The following FLI1 variants were observed in gnomAD, a reference collection of about 807,000 sequenced individuals.
FLI1 encodes Fli-1 proto-oncogene, ETS transcription factor, also known as Friend leukemia integration 1 transcription factor.
FLI1 carries 13 observed loss-of-function variants against 53.1 expected under a neutral mutation model. The ratio of observed to expected loss-of-function variants is 0.24; its 90% CI spans 0.16 to 0.39. The LOEUF (loss-of-function observed/expected upper bound fraction) is 0.39, where lower values mean the gene tolerates loss of function less well. Among genes scored for constraint, FLI1 ranks in the 10% least tolerant of loss-of-function variants. The pLI, the probability that FLI1 is intolerant of heterozygous loss-of-function variation, is 1.00. For synonymous variants in FLI1, 244 were observed against 236.7 expected (o/e 1.03, Z -0.28); for missense variants, 424 against 600.5 (o/e 0.71, Z 3.07).
upstream of FLI1, among the ~76,000 whole-genome samples, chr11:128,690,496 A>G (rs949191964): frequency 3.9e-5 from 6 of 152,166 alleles, no homozygotes; most frequent in Non-Finnish European, 8.8e-5. Context: ...CCGTGTCTGG[A>G]AAGTCTTGAC....
chr11:128,714,270 G>A (rs972182157), intron 1 of FLI1, among the ~76,000 whole-genome samples: 3 of 151,652 alleles, frequency 2.0e-5, no homozygotes, highest in Non-Finnish European at 4.4e-5. Context: ...TGCGCTGGCT[G>A]GCGCCGACAT....
chr11:128,777,427 G>A (rs1365514388), intron 4 of FLI1, among the ~76,000 whole-genome samples: 1 of 152,202 alleles, frequency 6.6e-6, no homozygotes, highest in Non-Finnish European at 1.5e-5. Context: ...CGGAAAGGGT[G>A]TCTATCTTCA....
intron 1 of FLI1, among the ~76,000 whole-genome samples, chr11:128,707,787 CA>C (rs1305152938): frequency 6.6e-6 from 1 of 152,170 alleles, no homozygotes; most frequent in Non-Finnish European, 1.5e-5. Flanking sequence ...CTTCTCTGCC[CA>C]GAGCACCCTT....
upstream of FLI1, chr11:128,692,094 T>C (rs1253575471): frequency 1.3e-5 from 2 of 152,042 alleles, no homozygotes; most frequent in Non-Finnish European, 2.9e-5. Context: ...AAAGCTCTGT[T>C]GTAGTTTGAA....
chr11:128,770,521 A>C (rs1217517235), intron 3 of FLI1, among the ~76,000 whole-genome samples: 2 of 152,232 alleles, frequency 1.3e-5, no homozygotes, highest in Non-Finnish European at 2.9e-5. Flanking sequence ...GGAAGAAACT[A>C]GGACTAAATC....
At chr11:128,766,264 G>C (rs1941336059) in intron 2 of FLI1, among the ~76,000 whole-genome samples, 1 of 152,188 alleles carries the variant, frequency 6.6e-6, no homozygotes, top group Non-Finnish European at 1.5e-5. Flanking sequence ...CCAAACGCTG[G>C]TGAAAAGTCC....
intron 3 of FLI1, among the ~76,000 whole-genome samples, chr11:128,770,512 G>A (rs80349555): frequency 0.011 from 1,650 of 152,316 alleles, 23 homozygotes; most frequent in African/African-American, 0.035. Flanking sequence ...GTTCAGATGG[G>A]AAGAAACTAG....
rs571875310 is a variant in FLI1 at position 128,705,006 on chromosome 11, G to C, written c.18+10730G>C. 4.6e-5 allele frequency among the ~76,000 whole-genome samples: 7 copies of C among 152,322 alleles called. No homozygotes were observed. In the South Asian group the frequency reaches 1.2e-3, roughly 27 times the overall value. On this transcript the variant is annotated intron_variant, in intron 1 of 8. Coordinates refer to ENST00000527786, the MANE Select transcript of FLI1 (RefSeq NM_002017.5). Reference sequence around the variant, plus strand: ...TGAAGAGATTGGGTAAGTTACTCATGGTCATACAGGTAGAAAATAGAAAAG... The same window carrying C: ...TGAAGAGATTGGGTAAGTTACTCATCGTCATACAGGTAGAAAATAGAAAAG...
chr11:128,698,264 C>T (rs752779231), intron 1 of FLI1, among the ~76,000 whole-genome samples: 1 of 152,222 alleles, frequency 6.6e-6, no homozygotes, highest in Non-Finnish European at 1.5e-5. Flanking sequence ...CTCTACCACA[C>T]ACACCTTGTA....
At chr11:128,763,211 C>T (rs974605286) in intron 2 of FLI1, among the ~76,000 whole-genome samples, 1 of 152,184 alleles carries the variant, frequency 6.6e-6, no homozygotes, top group African/African-American at 2.4e-5. Context: ...GTAGCAAACC[C>T]TCTGGCCCAG....
chr11:128,808,340 A>G (rs1942840593), intron 7 of FLI1, among the ~76,000 whole-genome samples: 1 of 152,152 alleles, frequency 6.6e-6, no homozygotes, highest in African/African-American at 2.4e-5. Flanking sequence ...ATACATGACA[A>G]TTTTGCCAAG....
rs1440594201 is a variant in FLI1, at chr11:128,812,638, T to C, written c.*1650T>C. The C allele has an allele frequency of 9.0e-6, 2 of 223,332 alleles. No homozygotes were observed. Among genetic ancestry groups the C allele is most frequent in the East Asian group, 1.3e-4 (2 of 15,404 alleles). The allele number at this position is 223,332 out of a possible 1,614,324, so 13.8% of individuals were successfully genotyped here. ...CTTCCTCCAGCCTAAAAGGGTTTTA[T>C]AAAACAGCAGCTAAGGCCATGGATA... On this transcript the variant is annotated 3_prime_UTR_variant, in exon 9 of 9. Transcript: ENST00000527786.
At chr11:128,788,680 G>A (rs1942174520) in intron 5 of FLI1, among the ~76,000 whole-genome samples, 1 of 152,150 alleles carries the variant, frequency 6.6e-6, no homozygotes, top group Non-Finnish European at 1.5e-5. Flanking sequence ...CAGAGAAGGT[G>A]TGGACCCAGC....
At chr11:128,765,957 C>T (rs141594245) in intron 2 of FLI1, among the ~76,000 whole-genome samples, 87 of 152,176 alleles carry the variant, frequency 5.7e-4, no homozygotes, top group Middle Eastern at 6.8e-3. Flanking sequence ...GTGTACAGTG[C>T]ATGTCTGTGC....
At chr11:128,714,255 G>A (rs914158792) in intron 1 of FLI1, among the ~76,000 whole-genome samples, 2 of 151,100 alleles carry the variant, frequency 1.3e-5, no homozygotes, top group Non-Finnish European at 1.5e-5. Context: ...TAGAGCTCTG[G>A]AAGATGCGCT....
At chr11:128,688,816 C>A (rs565144428) in intron 1 of FLI1, among the ~76,000 whole-genome samples, 2 of 152,164 alleles carry the variant, frequency 1.3e-5, no homozygotes, top group African/African-American at 4.8e-5. Context: ...ATAACCGCAA[C>A]GACATTCATA....
chr11:128,757,112 C>CTTTCTT (rs1940923206), intron 1 of FLI1, among the ~76,000 whole-genome samples: 3 of 141,070 alleles, frequency 2.1e-5, no homozygotes, highest in Non-Finnish European at 4.7e-5. Context: ...TTCTTTCTTT[C>CTTTCTT]TCTCTTTCTG....
At chr11:128,722,035 G>GT (rs1274429521) in intron 1 of FLI1, among the ~76,000 whole-genome samples, 1 of 152,158 alleles carries the variant, frequency 6.6e-6, no homozygotes, top group Non-Finnish European at 1.5e-5. Flanking sequence ...AGCCCAGGTA[G>GT]TATGGTAGGA....
At chr11:128,745,364 TC>T (rs1470769388) in intron 1 of FLI1, among the ~76,000 whole-genome samples, 1 of 151,740 alleles carries the variant, frequency 6.6e-6, no homozygotes, top group Non-Finnish European at 1.5e-5. Flanking sequence ...AAAATGGACC[TC>T]CCCAGGCCCC....
Sources: allele counts gnomAD v4.1 joint callset (sites outside exome capture counted in the v4.1 genomes callset), GRCh38; gene constraint gnomAD v4.1.1; transcripts MANE v1.5; gene names NCBI Gene and HGNC (gene_info 2026-07-23, HGNC 2026-07-21).